The following CR1L variants were observed in gnomAD, a reference collection of about 807,000 sequenced individuals.
The protein encoded by CR1L is complement C3b/C4b receptor 1 like.
CR1L carries 59 observed loss-of-function variants against 62.3 expected under a neutral mutation model. That is an observed-to-expected ratio of 0.95 (90% CI 0.77 to 1.18). The LOEUF is 1.18. Ranked by LOEUF, CR1L falls within the 50% of genes most tolerant of loss-of-function variation. The probability of loss-of-function intolerance (pLI) is 0.00; values close to 1 mark genes in which losing one functional copy is unlikely to be tolerated. For missense variants in CR1L, 700 were observed against 702.8 expected (o/e 1.00, Z 0.04); for synonymous variants, 279 against 248.7 (o/e 1.12, Z -1.15).
intron 4 of CR1L, among the ~76,000 whole-genome samples, chr1:207,685,560 T>C (rs1430823900): frequency 1.3e-5 from 2 of 152,208 alleles, no homozygotes; most frequent in African/African-American, 4.8e-5. Flanking sequence ...TCAGTTCTAA[T>C]AGCCATTACA....
At chr1:207,654,889 A>C (rs1342458535) in intron 1 of CR1L, among the ~76,000 whole-genome samples, 2 of 152,206 alleles carry the variant, frequency 1.3e-5, no homozygotes, top group Non-Finnish European at 2.9e-5. Context: ...GTCGTGTGAG[A>C]AAACGCACAG....
chr1:207,710,398 AC>A lies in CR1L; in HGVS notation c.1414+2141del, dbSNP rs960588993. ...TTTTCCCAGGAATTCCTTGTGGGCT[AC>A]CCCCCAACATCACCAATGGATATTT... is the stretch of plus-strand genomic sequence containing the variant. On this transcript the variant is annotated intron_variant, in intron 10 of 11. Coordinates refer to ENST00000508064, the MANE Select transcript of CR1L (RefSeq NM_175710.2). 2.6e-6 allele frequency: 4 copies of A among 1,512,694 alleles called. No individual in the cohort carries two copies. In the African/African-American group the frequency reaches 4.1e-5, roughly 16 times the overall value. 93.7% of individuals were successfully genotyped at this position (1,512,694 alleles called of 1,614,324 possible).
At chr1:207,659,730 A>C (rs559284882) in intron 1 of CR1L, among the ~76,000 whole-genome samples, 2 of 152,352 alleles carry the variant, frequency 1.3e-5, no homozygotes, top group East Asian at 1.9e-4. Flanking sequence ...ACAAAGGGTC[A>C]GGGGACTTCC....
At position 207,699,360 on chromosome 1, in the gene CR1L, T is replaced by C. The variant is rs530926071; in HGVS notation, c.1228+86T>C. 6.7e-6 allele frequency: 10 copies of C among 1,486,484 alleles called. 1 individual carries two copies. The highest frequency in any genetic ancestry group is 6.0e-5 in the South Asian group (5 of 83,298). The allele number at this position is 1,486,484 out of a possible 1,614,324, so 92.1% of individuals were successfully genotyped here. A position where few individuals can be genotyped will look rare whatever the true frequency, so the allele number is the denominator to read the frequency against. ...CCATGACCTCCCCTAATGTGGTTCT[T>C]CAATTTTCTAATCTGAATTATTGAT... On this transcript the variant is annotated intron_variant, in intron 8 of 11. Coordinates refer to ENST00000508064, the MANE Select transcript of CR1L (RefSeq NM_175710.2).
At chr1:207,670,075 A>G (rs1181371585) in intron 1 of CR1L, among the ~76,000 whole-genome samples, 1 of 151,006 alleles carries the variant, frequency 6.6e-6, no homozygotes, top group Non-Finnish European at 1.5e-5. Context: ...CCTGTCGAGT[A>G]TCTAACACAG....
At chr1:207,695,849 A>G (rs1299695631) in intron 5 of CR1L, among the ~76,000 whole-genome samples, 2 of 152,172 alleles carry the variant, frequency 1.3e-5, no homozygotes, top group Non-Finnish European at 2.9e-5. Flanking sequence ...GCAGATCTCA[A>G]GAGAACTATA....
chr1:207,682,675 C>T (rs1455580589), intron 3 of CR1L, among the ~76,000 whole-genome samples: 3 of 152,192 alleles, frequency 2.0e-5, no homozygotes, highest in African/African-American at 7.2e-5. Context: ...AAGTTCTCAG[C>T]CATTCCAATA....
At chr1:207,708,633 A>T (rs915614624) in intron 10 of CR1L, among the ~76,000 whole-genome samples, 10 of 152,222 alleles carry the variant, frequency 6.6e-5, no homozygotes, top group Admixed American at 3.3e-4. Context: ...ATCACATCAG[A>T]TATTCAAGCC....
chr1:207,723,666 A>G lies in CR1L; in HGVS notation c.1691A>G (p.Glu564Gly). 1 of 1,593,358 alleles carries G rather than the reference A, an allele frequency of 6.3e-7. No individual in the cohort carries two copies. The highest frequency in any genetic ancestry group is 8.6e-7 in the Non-Finnish European group (1 of 1,167,726). The change falls in exon 12 of 12, where the codon GAG (glutamate) becomes GGG (glycine). Residue 564 changes from glutamate to glycine, a missense_variant. Coordinates refer to ENST00000508064, the MANE Select transcript of CR1L (RefSeq NM_175710.2). ...IVGKFYEVFA[E>G]EFCHL ...GGTAAGTTTTATGAAGTGTTTGCTG[A>G]GGAATTCTGTCATCTTTAACAGTAA... is the stretch of plus-strand genomic sequence containing the variant.
chr1:207,682,960 T>TTTTCTTTCTTTCTTTCTTTCTTTC lies in CR1L; in HGVS notation c.378-904_378-881dup, dbSNP rs141205339. Among the ~76,000 whole-genome samples the TTTTCTTTCTTTCTTTCTTTCTTTC allele has an allele frequency of 9.7e-3, 1,363 of 140,120 alleles. 23 individuals are homozygous for TTTTCTTTCTTTCTTTCTTTCTTTC. The highest frequency in any genetic ancestry group is 0.032 in the African/African-American group (1,245 of 38,456). The allele number at this position is 140,120 out of a possible 152,430, so 91.9% of individuals were successfully genotyped here. On this transcript the variant is annotated intron_variant, in intron 3 of 11. Transcript: ENST00000508064. ...TGCCTTTGGTTCTAGTTATAAATCA[T>TTTTCTTTCTTTCTTTCTTTCTTTC]TTTCTTTCTTTCTTTCTTTCTTTCT...
intron 1 of CR1L, among the ~76,000 whole-genome samples, chr1:207,648,223 A>AG (rs779130123): frequency 7.7e-6 from 1 of 129,036 alleles, no homozygotes; most frequent in African/African-American, 3.3e-5. Flanking sequence ...ACACACACAC[A>AG]GAAAAAAAAA....
chr1:207,675,715 G>T (rs781513154), intron 1 of CR1L, among the ~76,000 whole-genome samples: 2 of 152,174 alleles, frequency 1.3e-5, no homozygotes, highest in Non-Finnish European at 2.9e-5. Context: ...AAACAAACAA[G>T]ATATTTCCAA....
intron 5 of CR1L, among the ~76,000 whole-genome samples, chr1:207,695,228 C>A (rs1454431993): frequency 6.6e-6 from 1 of 152,176 alleles, no homozygotes; most frequent in Non-Finnish European, 1.5e-5. Context: ...CTGGCTCAAG[C>A]AATTCTCCTG....
At chr1:207,666,117 C>T (rs1313924669) in intron 1 of CR1L, among the ~76,000 whole-genome samples, 3 of 152,228 alleles carry the variant, frequency 2.0e-5, no homozygotes, top group Non-Finnish European at 2.9e-5. Context: ...ATTCTACTCA[C>T]CTTTCTACAG....
chr1:207,693,247 AGCTGG>A (rs1664023568), intron 4 of CR1L, among the ~76,000 whole-genome samples: 1 of 152,182 alleles, frequency 6.6e-6, no homozygotes. Context: ...CCACCTCGGT[AGCTGG>A]GATTACAGGC....
At chr1:207,661,695 T>C (rs1315607262) in intron 1 of CR1L, among the ~76,000 whole-genome samples, 3 of 152,202 alleles carry the variant, frequency 2.0e-5, no homozygotes, top group Non-Finnish European at 4.4e-5. Flanking sequence ...ATTATGATGT[T>C]AGCTGGTTAT....
chr1:207,658,062 T>A (rs1211383337), intron 1 of CR1L, among the ~76,000 whole-genome samples: 1 of 152,146 alleles, frequency 6.6e-6, no homozygotes, highest in Admixed American at 6.5e-5. Context: ...AGCCGGGAAA[T>A]TAGAAAGTGT....
intron 1 of CR1L, among the ~76,000 whole-genome samples, chr1:207,656,239 AAATCAATCAATC>A (rs34072066): frequency 6.6e-6 from 1 of 151,604 alleles, no homozygotes; most frequent in Non-Finnish European, 1.5e-5. Context: ...TTCCGTCTCA[AAATCAATCAATC>A]AATCAATCAA....
intron 4 of CR1L, among the ~76,000 whole-genome samples, chr1:207,693,753 CTTTTT>C (rs947706172): frequency 6.9e-6 from 1 of 145,270 alleles, no homozygotes; most frequent in Non-Finnish European, 1.5e-5. Flanking sequence ...TAGAGCTTAT[CTTTTT>C]TTTTTTATTC....
Sources: gnomAD v4.1 joint callset for allele counts (sites outside exome capture counted in the v4.1 genomes callset) on GRCh38, gnomAD v4.1.1 for gene constraint, MANE v1.5 for transcripts, NCBI Gene and HGNC (gene_info 2026-07-23, HGNC 2026-07-21) for gene names.